The following PCDH11X variants were observed in gnomAD, a reference collection of about 807,000 sequenced individuals.
The protein encoded by PCDH11X is protocadherin-11 X-linked.
A neutral mutation model predicts 53.3 loss-of-function variants in PCDH11X; 18 were observed. The ratio of observed to expected loss-of-function variants is 0.34; its 90% CI spans 0.23 to 0.50. The LOEUF (loss-of-function observed/expected upper bound fraction) is 0.50, where lower values mean the gene tolerates loss of function less well. Among genes scored for constraint, PCDH11X ranks in the 20% least tolerant of loss-of-function variants. The pLI is 0.98. For synonymous variants in PCDH11X, 279 were observed against 393.3 expected (o/e 0.71, Z 3.44); for missense variants, 570 against 1,032.4 (o/e 0.55, Z 6.14).
At position 92,542,176 on chromosome X, in the gene PCDH11X, TAAACTG is replaced by T. The variant is rs768706597; in HGVS notation, c.3367+73858_3367+73863del. Among the ~76,000 whole-genome samples, 108 of 111,989 alleles carry T rather than the reference TAAACTG, an allele frequency of 9.6e-4. 1 individual carries two copies. In the East Asian group the frequency reaches 0.029, roughly 30 times the overall value. On this transcript the variant is annotated intron_variant, in intron 10 of 10. Coordinates refer to ENST00000682573, the MANE Select transcript of PCDH11X (RefSeq NM_032968.5). The stretch of plus-strand genomic sequence containing the variant: ...TTCGCTTAAAAATTCTTGAATTGAA[TAAACTG>T]AAATTCAACACCTATTCCACTGAAT...
chrX:91,900,968 T>A (rs1440020043), intron 6 of PCDH11X, among the ~76,000 whole-genome samples: 1 of 111,242 alleles, frequency 9.0e-6, no homozygotes, highest in East Asian at 2.8e-4. Context: ...AGAAAACTGT[T>A]CCTGTGTGTC....
chrX:92,095,357 T>C (rs1402265404), intron 6 of PCDH11X, among the ~76,000 whole-genome samples: 1 of 111,498 alleles, frequency 9.0e-6, no homozygotes, highest in Non-Finnish European at 1.9e-5. Context: ...AAAATACTTT[T>C]CAAATGTTCT....
intron 9 of PCDH11X, among the ~76,000 whole-genome samples, chrX:92,403,977 G>T (rs3865931): frequency 3.6e-4 from 39 of 109,177 alleles, no homozygotes; most frequent in African/African-American, 1.3e-3. Context: ...TGGTGATAGC[G>T]GCAGAATATA....
At chrX:92,369,584 C>T (rs865998257) in intron 8 of PCDH11X, among the ~76,000 whole-genome samples, 13 of 110,942 alleles carry the variant, frequency 1.2e-4, no homozygotes, top group African/African-American at 3.9e-4. Context: ...GCAGCTAGGT[C>T]GGTGTCTGCC....
chrX:92,293,457 T>C (rs1417098436), intron 8 of PCDH11X, among the ~76,000 whole-genome samples: 25 of 108,830 alleles, frequency 2.3e-4, no homozygotes, highest in Non-Finnish European at 4.4e-4. Flanking sequence ...ACCCCGCCTC[T>C]ACAAAAAATA....
chrX:91,889,602 C>G (rs1050109610), intron 6 of PCDH11X, among the ~76,000 whole-genome samples: 2 of 112,311 alleles, frequency 1.8e-5, no homozygotes, highest in Non-Finnish European at 3.8e-5. Flanking sequence ...CGTGAGCCAG[C>G]GCACCTGGCC....
intron 10 of PCDH11X, among the ~76,000 whole-genome samples, chrX:92,555,840 A>C (rs1011506469): frequency 6.3e-5 from 7 of 111,493 alleles, no homozygotes; most frequent in Non-Finnish European, 1.3e-4. Context: ...GTATTAGCTC[A>C]TTCTCACACT....
rs536920078 is a variant in PCDH11X, at chrX:91,928,254, G to A, written c.3033+48981G>A. Among the ~76,000 whole-genome samples the A allele has an allele frequency of 2.3e-3, 255 of 109,384 alleles. 3 individuals are homozygous for A. The South Asian group carries it at 0.058, about 25-fold the overall frequency. 95.0% of individuals were successfully genotyped at this position (109,384 alleles called of 115,157 possible). A position where few individuals can be genotyped will look rare whatever the true frequency, so the allele number is the denominator to read the frequency against. On this transcript the variant is annotated intron_variant, in intron 6 of 10. Transcript: ENST00000682573. ...TGTAAAATGAACAACCTAATCAAAC[G>A]TGGCTCTTGTGGATTTTATTCTTTG... is the stretch of plus-strand genomic sequence containing the variant.
chrX:91,962,980 C>CA (rs34051310), intron 6 of PCDH11X, among the ~76,000 whole-genome samples: 27 of 102,065 alleles, frequency 2.6e-4, no homozygotes, highest in South Asian at 1.3e-3. Flanking sequence ...TGGGTCCAGC[C>CA]AAAAAAAAAA....
chrX:91,795,269 G>T (rs5942079), intron 1 of PCDH11X, among the ~76,000 whole-genome samples: 1,386 of 111,599 alleles, frequency 0.012, 8 homozygotes, highest in Non-Finnish European at 0.02. Context: ...TTTTCCAGAA[G>T]GTTCCATTCC....
chrX:92,620,393 A>C lies in PCDH11X; in HGVS notation c.*1453A>C, dbSNP rs780167707. 2 of 107,850 alleles carry C rather than the reference A, an allele frequency of 1.9e-5. No homozygotes were observed. The highest frequency in any genetic ancestry group is 2.0e-4 in the Admixed American group (2 of 9,921). The allele number at this position is 107,850 out of a possible 1,213,427, so 8.9% of individuals were successfully genotyped here. On this transcript the variant is annotated 3_prime_UTR_variant, in exon 11 of 11. Coordinates refer to ENST00000682573, the MANE Select transcript of PCDH11X (RefSeq NM_032968.5). The stretch of plus-strand genomic sequence containing the variant: ...AAATGTACAGAAACATCACCAACTT[A>C]ATTTTCTTCCATAGCAAAACTGAGA...
intron 1 of PCDH11X, among the ~76,000 whole-genome samples, chrX:91,780,799 C>A (rs1256595784): frequency 7.1e-5 from 8 of 112,920 alleles, no homozygotes; most frequent in Non-Finnish European, 1.3e-4. Context: ...GCCCGGGTTG[C>A]GGCTGGGACT....
At chrX:91,904,844 C>T (rs1430087765) in intron 6 of PCDH11X, among the ~76,000 whole-genome samples, 1 of 109,059 alleles carries the variant, frequency 9.2e-6, no homozygotes, top group East Asian at 2.9e-4. Context: ...CTTTGTGCAC[C>T]GATCCAACAG....
intron 10 of PCDH11X, among the ~76,000 whole-genome samples, chrX:92,530,941 G>A (rs763938866): frequency 2.0e-3 from 215 of 107,912 alleles, no homozygotes; most frequent in African/African-American, 6.9e-3. Context: ...AATACGGTAT[G>A]TTTTTCTTAA....
intron 5 of PCDH11X, among the ~76,000 whole-genome samples, chrX:91,850,223 G>A (rs1191836347): frequency 9.1e-6 from 1 of 110,250 alleles, no homozygotes; most frequent in South Asian, 3.9e-4. Flanking sequence ...GAATAATAGG[G>A]ATTTTTAAGA....
intron 6 of PCDH11X, among the ~76,000 whole-genome samples, chrX:92,191,194 G>A (rs2066186251): frequency 8.9e-6 from 1 of 112,081 alleles, no homozygotes; most frequent in South Asian, 3.6e-4. Flanking sequence ...AAATTCAATA[G>A]ATAATTGCTC....
At chrX:91,951,831 C>A (rs769229526) in intron 6 of PCDH11X, among the ~76,000 whole-genome samples, 2 of 111,479 alleles carry the variant, frequency 1.8e-5, no homozygotes, top group Non-Finnish European at 3.8e-5. Context: ...GATAAAGAAT[C>A]ACCCGTTAGC....
At chrX:92,528,766 G>GA (rs765696778) in intron 10 of PCDH11X, among the ~76,000 whole-genome samples, 50 of 111,261 alleles carry the variant, frequency 4.5e-4, no homozygotes, top group Non-Finnish European at 9.0e-4. Context: ...TTTTAAGTAT[G>GA]AAAAAAAGAA....
Position 91,860,607 on chromosome X carries a change from A to G in PCDH11X, c.541-16174A>G, listed in dbSNP as rs1414487866. 2.7e-5 allele frequency among the ~76,000 whole-genome samples: 3 copies of G among 111,586 alleles called. No individual in the cohort carries two copies. In the East Asian group the frequency reaches 8.5e-4, roughly 32 times the overall value. ...TGATATTGGCTATGGGTTTGTCATAAATGGCTCTTATTATTTTGAGATATG... is the reference window on the plus strand; with the variant it reads ...TGATATTGGCTATGGGTTTGTCATAGATGGCTCTTATTATTTTGAGATATG... On this transcript the variant is annotated intron_variant, in intron 5 of 10. Transcript: ENST00000682573.
Sources: allele counts gnomAD v4.1 joint callset (sites outside exome capture counted in the v4.1 genomes callset), GRCh38; gene constraint gnomAD v4.1.1; transcripts MANE v1.5; gene names NCBI Gene and HGNC (gene_info 2026-07-23, HGNC 2026-07-21).